TMEM217B: variants seen among roughly 807,000 people sequenced by gnomAD.
The protein encoded by TMEM217B is putative transmembrane protein 217B.
At chr6:37,255,413 G>A in the TMEM217B span, among the ~76,000 whole-genome samples, 5 of 152,126 alleles carry the variant, frequency 3.3e-5, no homozygotes, top group Non-Finnish European at 7.3e-5. Flanking sequence ...AGGGTGCGAT[G>A]GCTCCCACCT....
At chr6:37,226,874 C>T in the TMEM217B span, among the ~76,000 whole-genome samples, 1 of 152,162 alleles carries the variant, frequency 6.6e-6, no homozygotes, top group African/African-American at 2.4e-5. Flanking sequence ...CCCAAGATCA[C>T]CATTCTCTTA....
chr6:37,230,012 G>A, the TMEM217B span, among the ~76,000 whole-genome samples: 8 of 152,284 alleles, frequency 5.3e-5, no homozygotes, highest in East Asian at 7.7e-4. Context: ...GGCTGAATTC[G>A]TTTCCTTGCA....
chr6:37,253,754 T>C, the TMEM217B span, among the ~76,000 whole-genome samples: 2 of 152,200 alleles, frequency 1.3e-5, no homozygotes, highest in Non-Finnish European at 2.9e-5. Flanking sequence ...GGCTTTTTTC[T>C]CTATTTTTAT....
the TMEM217B span, among the ~76,000 whole-genome samples, chr6:37,222,023 AGGATAGCT>A: frequency 6.6e-6 from 1 of 152,100 alleles, no homozygotes; most frequent in Non-Finnish European, 1.5e-5. Context: ...ATCAGCAGAG[AGGATAGCT>A]CCTCTCTGCA....
the TMEM217B span, among the ~76,000 whole-genome samples, chr6:37,243,812 G>A: frequency 6.6e-6 from 1 of 152,146 alleles, no homozygotes; most frequent in Non-Finnish European, 1.5e-5. Context: ...GGAATGGGTG[G>A]TGCTGACTGG....
the TMEM217B span, among the ~76,000 whole-genome samples, chr6:37,242,598 C>G: frequency 2.0e-5 from 3 of 152,212 alleles, no homozygotes; most frequent in South Asian, 4.1e-4. Context: ...GTAATTCTGA[C>G]AGTAAATCAC....
At chr6:37,241,248 A>AT in the TMEM217B span, among the ~76,000 whole-genome samples, 80 of 145,312 alleles carry the variant, frequency 5.5e-4, no homozygotes, top group South Asian at 1.7e-3. Context: ...TACCTGGTTA[A>AT]TTTTTTTTTT....
chr6:37,243,272 G>A, the TMEM217B span, among the ~76,000 whole-genome samples: 15 of 152,264 alleles, frequency 9.9e-5, no homozygotes, highest in African/African-American at 3.6e-4. Context: ...TTATAAATTC[G>A]GTTGGCCAGA....
chr6:37,243,900 G>A, the TMEM217B span, among the ~76,000 whole-genome samples: 3 of 152,158 alleles, frequency 2.0e-5, no homozygotes, highest in East Asian at 1.9e-4. Context: ...GCACAGGACC[G>A]GTTCAGTCAG....
the TMEM217B span, among the ~76,000 whole-genome samples, chr6:37,230,586 T>A: frequency 6.6e-6 from 1 of 152,078 alleles, no homozygotes; most frequent in African/African-American, 2.4e-5. Flanking sequence ...TGTGAAAACA[T>A]GGCGCAGGGG....
chr6:37,215,994 GGTGTGTGTGTGTGT>G, the TMEM217B span, among the ~76,000 whole-genome samples: 94,447 of 149,076 alleles, frequency 0.63, 29,805 homozygotes, highest in East Asian at 0.83. Flanking sequence ...GGTTCTTCAG[GGTGTGTGTGTGTGT>G]GTGTGTGTGT....
the TMEM217B span, among the ~76,000 whole-genome samples, chr6:37,226,647 C>T: frequency 2.6e-5 from 4 of 151,896 alleles, no homozygotes; most frequent in South Asian, 2.1e-4. Context: ...GGCACGATCT[C>T]GCCTCCCAGG....
chr6:37,212,579 G>A, the TMEM217B span: 268,662 of 468,924 alleles, frequency 0.57, 79,892 homozygotes, highest in East Asian at 0.84. Flanking sequence ...AAGTGCAGGA[G>A]CATGTGTGAG....
At chr6:37,234,505 G>A in the TMEM217B span, among the ~76,000 whole-genome samples, 1 of 152,136 alleles carries the variant, frequency 6.6e-6, no homozygotes, top group Non-Finnish European at 1.5e-5. Flanking sequence ...TTGTAATCTT[G>A]ATATAGCCAC....
chr6:37,242,923 C>G, the TMEM217B span, among the ~76,000 whole-genome samples: 1 of 151,970 alleles, frequency 6.6e-6, no homozygotes, highest in African/African-American at 2.4e-5. Flanking sequence ...AAAACATTTC[C>G]CAGAAAACCC....
the TMEM217B span, among the ~76,000 whole-genome samples, chr6:37,213,704 G>C: frequency 3.9e-5 from 6 of 152,356 alleles, no homozygotes; most frequent in East Asian, 1.2e-3. Flanking sequence ...GCAGGAACCT[G>C]GTGCCCGAGC....
chr6:37,213,531 C>A, the TMEM217B span, among the ~76,000 whole-genome samples: 1 of 152,236 alleles, frequency 6.6e-6, no homozygotes, highest in Non-Finnish European at 1.5e-5. Context: ...GTTTGGCCAG[C>A]AGGAATGGAA....
chr6:37,240,752 A>G, the TMEM217B span, among the ~76,000 whole-genome samples: 1 of 152,000 alleles, frequency 6.6e-6, no homozygotes, highest in South Asian at 2.1e-4. Context: ...ACAGAAAAAT[A>G]AATTTAAAAA....
chr6:37,225,948 C>A, the TMEM217B span, among the ~76,000 whole-genome samples: 1 of 152,216 alleles, frequency 6.6e-6, no homozygotes, highest in Non-Finnish European at 1.5e-5. Flanking sequence ...AGCCGTGGGT[C>A]ATTGCTACTT....
Sources: allele counts gnomAD v4.1 joint callset (sites outside exome capture counted in the v4.1 genomes callset), GRCh38; gene constraint gnomAD v4.1.1; transcripts MANE v1.5; gene names NCBI Gene and HGNC (gene_info 2026-07-23, HGNC 2026-07-21).